The following MGAT5 variants were observed in gnomAD, a reference collection of about 807,000 sequenced individuals.
MGAT5 encodes the protein alpha-1,6-mannosylglycoprotein 6-beta-N-acetylglucosaminyltransferase, also known as alpha-1,6-mannosylglycoprotein 6-beta-N-acetylglucosaminyltransferase A.
In MGAT5, 30 loss-of-function variants were observed where a neutral mutation model predicts 94.3. The ratio of observed to expected loss-of-function variants is 0.32; its 90% confidence interval spans 0.24 to 0.43. MGAT5 has a LOEUF of 0.43. Ranked by LOEUF, MGAT5 falls within the 20% of genes least tolerant of loss-of-function variation. The pLI, the probability that MGAT5 is intolerant of heterozygous loss-of-function variation, is 1.00. For missense variants in MGAT5, 691 were observed against 905.5 expected, an observed-to-expected ratio of 0.76 and a Z score of 3.04; for synonymous variants, 310 against 322.9, an observed-to-expected ratio of 0.96 and a Z score of 0.43.
intron 2 of MGAT5, among the ~76,000 whole-genome samples, chr2:134,292,702 A>C (rs771813960): frequency 6.6e-6 from 1 of 152,068 alleles, no homozygotes; most frequent in Admixed American, 6.6e-5. Context: ...TCCTGTTAGG[A>C]TCTACCTTCA....
chr2:134,192,564 C>T (rs752063173), intron 1 of MGAT5, among the ~76,000 whole-genome samples: 52 of 152,158 alleles, frequency 3.4e-4, no homozygotes, highest in Non-Finnish European at 6.6e-4. Context: ...TAAAAATCCT[C>T]GTATTATTGT....
intron 9 of MGAT5, among the ~76,000 whole-genome samples, chr2:134,360,629 A>G (rs1037436953): frequency 2.6e-5 from 4 of 152,204 alleles, no homozygotes; most frequent in South Asian, 4.1e-4. Flanking sequence ...AATTTTAGAA[A>G]TATTTTAAGC....
At chr2:134,261,330 C>G (rs1683318704) in intron 1 of MGAT5, among the ~76,000 whole-genome samples, 1 of 152,142 alleles carries the variant, frequency 6.6e-6, no homozygotes, top group Admixed American at 6.5e-5. Context: ...CAGCTGTGTC[C>G]TGGTGCTCTT....
At chr2:134,215,579 G>A (rs919405085) in intron 1 of MGAT5, among the ~76,000 whole-genome samples, 1 of 152,174 alleles carries the variant, frequency 6.6e-6, no homozygotes, top group African/African-American at 2.4e-5. Context: ...TCAAGAGATT[G>A]AGAACTCAGT....
intron 1 of MGAT5, among the ~76,000 whole-genome samples, chr2:134,214,684 C>A (rs1160121338): frequency 6.6e-6 from 1 of 151,882 alleles, no homozygotes; most frequent in Non-Finnish European, 1.5e-5. Context: ...ATTATGAAGG[C>A]CTTAGGGAGC....
intron 1 of MGAT5, among the ~76,000 whole-genome samples, chr2:134,220,338 G>T (rs1231297542): frequency 6.6e-6 from 1 of 151,994 alleles, no homozygotes; most frequent in African/African-American, 2.4e-5. Flanking sequence ...CCGACCAAAT[G>T]AAATGACCTG....
chr2:134,173,954 C>A (rs1162226725), intron 1 of MGAT5, among the ~76,000 whole-genome samples: 1 of 152,220 alleles, frequency 6.6e-6, no homozygotes, highest in Admixed American at 6.5e-5. Context: ...TGTTCTCCCC[C>A]ACCCAGGTTA....
chr2:134,120,869 C>T (rs1233176487), intron 1 of MGAT5, among the ~76,000 whole-genome samples: 1 of 151,770 alleles, frequency 6.6e-6, no homozygotes, highest in Non-Finnish European at 1.5e-5. Context: ...CCAGAGGATC[C>T]AGGAGGCCCG....
chr2:134,309,597 T>C (rs190049863), intron 2 of MGAT5, among the ~76,000 whole-genome samples: 1 of 152,320 alleles, frequency 6.6e-6, no homozygotes, highest in Admixed American at 6.5e-5. Flanking sequence ...TCAGTAGCAA[T>C]TATTTAACCC....
intron 2 of MGAT5, among the ~76,000 whole-genome samples, chr2:134,315,991 T>C (rs1352445777): frequency 6.6e-6 from 1 of 152,168 alleles, no homozygotes; most frequent in African/African-American, 2.4e-5. Context: ...CACTGAGTTA[T>C]CATTTCAATA....
At chr2:134,425,294 C>A (rs980422434) in intron 13 of MGAT5, among the ~76,000 whole-genome samples, 5 of 152,042 alleles carry the variant, frequency 3.3e-5, no homozygotes, top group Non-Finnish European at 7.4e-5. Context: ...ATGTGTGGGG[C>A]CTTTCAATAG....
At chr2:134,322,677 T>A (rs1242450207) in intron 4 of MGAT5, among the ~76,000 whole-genome samples, 1 of 152,160 alleles carries the variant, frequency 6.6e-6, no homozygotes. Context: ...ATCTGTGGCT[T>A]TGTAGGAGCT....
chr2:134,227,330 A>G (rs1253796769), intron 1 of MGAT5, among the ~76,000 whole-genome samples: 1 of 152,166 alleles, frequency 6.6e-6, no homozygotes, highest in Non-Finnish European at 1.5e-5. Flanking sequence ...TAAAAGGCCC[A>G]TACTGGATTG....
intron 7 of MGAT5, among the ~76,000 whole-genome samples, chr2:134,343,866 T>C (rs1042329179): frequency 6.6e-6 from 1 of 151,616 alleles, no homozygotes; most frequent in Admixed American, 6.6e-5. Context: ...AATGGGCCAG[T>C]TGTGACTGAA....
chr2:134,435,630 G>A (rs555476314), intron 14 of MGAT5, among the ~76,000 whole-genome samples: 16 of 152,202 alleles, frequency 1.1e-4, no homozygotes, highest in African/African-American at 3.4e-4. Flanking sequence ...ATTGCATGTC[G>A]TCATGGTGAC....
At chr2:134,421,703 A>G (rs780733803) in intron 12 of MGAT5, among the ~76,000 whole-genome samples, 1 of 152,196 alleles carries the variant, frequency 6.6e-6, no homozygotes, top group Non-Finnish European at 1.5e-5. Context: ...GACATTGTGA[A>G]GTGCTTATAT....
intron 12 of MGAT5, among the ~76,000 whole-genome samples, chr2:134,419,470 G>GTA (rs1485680196): frequency 6.6e-6 from 1 of 151,534 alleles, no homozygotes; most frequent in Non-Finnish European, 1.5e-5. Context: ...GTGTGTGTGT[G>GTA]TGTGTGTGTG....
intron 1 of MGAT5, among the ~76,000 whole-genome samples, chr2:134,150,160 C>G (rs925085960): frequency 3.9e-5 from 6 of 152,188 alleles, no homozygotes; most frequent in Non-Finnish European, 1.5e-5. Flanking sequence ...CTGTGAGGCT[C>G]CTGGCAGAAT....
chr2:134,313,189 T>C (rs887189504), intron 2 of MGAT5, among the ~76,000 whole-genome samples: 4 of 152,112 alleles, frequency 2.6e-5, no homozygotes, highest in Admixed American at 1.3e-4. Context: ...TCGATACGTG[T>C]GTGTCTGTTG....
Sources: allele counts gnomAD v4.1 joint callset (sites outside exome capture counted in the v4.1 genomes callset), GRCh38; gene constraint gnomAD v4.1.1; transcripts MANE v1.5; gene names NCBI Gene and HGNC (gene_info 2026-07-23, HGNC 2026-07-21).